CFAP46: variants seen among roughly 807,000 people sequenced by gnomAD.
The protein encoded by CFAP46 is cilia and flagella associated protein 46, also known as cilia- and flagella-associated protein 46.
A neutral mutation model predicts 325.7 loss-of-function variants in CFAP46; 245 were observed. The observed-to-expected ratio is 0.75, with a 90% CI of 0.68 to 0.84. The LOEUF is 0.84. Ranked by LOEUF, CFAP46 falls within the 40% of genes least tolerant of loss-of-function variation. The pLI is 0.00. For synonymous variants in CFAP46, 1,523 were observed against 1,495.9 expected, an observed-to-expected ratio of 1.02 and a Z score of -0.42; for missense variants, 3,346 against 3,543.0, an observed-to-expected ratio of 0.94 and a Z score of 1.41.
rs1199440383 is a variant in CFAP46, at chr10:132,846,925, GAC to G, written c.6267+5_6267+6del. 1 of 1,606,120 alleles carries G rather than the reference GAC, an allele frequency of 6.2e-7. No homozygotes were observed. Among genetic ancestry groups the G allele is most frequent in the Non-Finnish European group, 8.5e-7 (1 of 1,177,128 alleles). ...CCTGGCTGGAGGTGGGCAGGGCAGAGACACACCTGAGACAGAGCCAGGAACTG... is the reference window on the plus strand; with the variant it reads ...CCTGGCTGGAGGTGGGCAGGGCAGAGACACCTGAGACAGAGCCAGGAACTG... On this transcript the variant is annotated splice_donor_5th_base_variant and intron_variant, in intron 43 of 57. Coordinates refer to ENST00000368586, the MANE Select transcript of CFAP46 (RefSeq NM_001200049.3).
chr10:132,895,454 T>TG (rs1334515465), intron 24 of CFAP46, among the ~76,000 whole-genome samples: 3 of 152,222 alleles, frequency 2.0e-5, no homozygotes, highest in African/African-American at 7.2e-5. Flanking sequence ...CCAGAGCTAC[T>TG]GGACAACAAC....
At position 132,847,019 on chromosome 10, in the gene CFAP46, A is replaced by G. The variant is rs779234715; in HGVS notation, c.6180T>C (p.Asp2060=). The G allele has an allele frequency of 1.2e-6, 2 of 1,611,294 alleles. No homozygotes were observed. Among genetic ancestry groups the G allele is most frequent in the Admixed American group, 3.3e-5 (2 of 59,954 alleles). Residue 2060 remains aspartate (D), a synonymous_variant, in exon 43 of 58, where the codon GAT becomes GAC. Transcript: ENST00000368586. This position sits in a 1 kb window ranked among gnomAD's most constrained non-coding sequence, Gnocchi z 5.2. ...TCTCCAGGCTGGCGGCTGCTGCGAC[A>G]TCCAGGAGGCCACTGCCAAGGGCCA... ...LQVALGSGLL[D]VAAAASLEMV...
Position 132,808,747 on chromosome 10 carries a change from G to A in CFAP46, c.7822C>T (p.Leu2608Phe), listed in dbSNP as rs1275602919. 6.3e-7 allele frequency: 1 copy of A among 1,578,084 alleles called. No homozygotes were observed. The highest frequency in any genetic ancestry group is 1.1e-5 in the South Asian group (1 of 87,378). The change falls in exon 58 of 58, where the codon CTT becomes TTT. Residue 2608 changes from leucine to phenylalanine, a missense_variant. Transcript: ENST00000368586. The surrounding 1 kb of genome is among the most constrained non-coding windows in gnomAD (Gnocchi z 6.8). The stretch of plus-strand genomic sequence containing the variant: ...GGGGCAGAGCCAAGGGCAGAGGCAA[G>A]TGCTGGGGCCCCAGCAGCTGATGGG... ...CLPSAAGAPA[L>F]ASALGSAPLP...
rs376348301 is a variant in CFAP46 at position 132,887,038 on chromosome 10, TTCTCC to T, written c.3305-1084_3305-1080del. ...CTCTCTCTGCTCTCTTCTCTCTTCT[TTCTCC>T]TCTCATCTTCTCTCTGGCCTCTCTC... On this transcript the variant is annotated intron_variant, in intron 25 of 57. Coordinates refer to ENST00000368586, the MANE Select transcript of CFAP46 (RefSeq NM_001200049.3). Among the ~76,000 whole-genome samples the T allele has an allele frequency of 1.2e-3, 179 of 148,296 alleles. 1 individual carries two copies. Among genetic ancestry groups the T allele is most frequent in the African/African-American group, 4.2e-3 (170 of 40,280 alleles).
At position 132,920,202 on chromosome 10, in the gene CFAP46, G is replaced by A. The variant is rs565547703; in HGVS notation, c.1607-20C>T. 5.4e-5 allele frequency: 82 copies of A among 1,519,430 alleles called. No homozygotes were observed. In the African/African-American group the frequency reaches 9.6e-4, roughly 18 times the overall value. The allele number at this position is 1,519,430 out of a possible 1,614,324, so 94.1% of individuals were successfully genotyped here. On this transcript the variant is annotated intron_variant, in intron 13 of 57. Transcript: ENST00000368586. ...TGGAGACTGAGGGCGGAAATGCAAA[G>A]GCAGGTGTTGCAGCTGCTGGCCAAG... is the stretch of plus-strand genomic sequence containing the variant.
At chr10:132,933,914 C>T (rs1179029655) in intron 8 of CFAP46, among the ~76,000 whole-genome samples, 1 of 152,182 alleles carries the variant, frequency 6.6e-6, no homozygotes, top group East Asian at 1.9e-4. Flanking sequence ...CTGCTGTGCC[C>T]AGGTTCCCGT....
intron 24 of CFAP46, among the ~76,000 whole-genome samples, chr10:132,897,890 CAA>C (rs1234282156): frequency 1.3e-5 from 2 of 152,218 alleles, no homozygotes; most frequent in Non-Finnish European, 2.9e-5. Flanking sequence ...ACAGCCTTTT[CAA>C]AGTCAGGCCA....
At chr10:132,875,294 A>G (rs1233881408) in intron 31 of CFAP46, among the ~76,000 whole-genome samples, 1 of 152,252 alleles carries the variant, frequency 6.6e-6, no homozygotes, top group Non-Finnish European at 1.5e-5. Flanking sequence ...AAGGCTGAAC[A>G]CCATAACAAT....
chr10:132,910,704 C>T (rs1180213033), intron 19 of CFAP46, among the ~76,000 whole-genome samples: 2 of 152,214 alleles, frequency 1.3e-5, no homozygotes, highest in East Asian at 1.9e-4. Flanking sequence ...GATGTCCCAT[C>T]TCTCGCTGCC....
At chr10:132,908,179 T>A (rs1352186848) in intron 22 of CFAP46, among the ~76,000 whole-genome samples, 1 of 152,210 alleles carries the variant, frequency 6.6e-6, no homozygotes, top group Non-Finnish European at 1.5e-5. Context: ...CCTGTGCACA[T>A]GGCTGAGGCC....
At position 132,814,837 on chromosome 10, in the gene CFAP46, C is replaced by T; in HGVS notation, c.7188+7G>A. On this transcript the variant is annotated splice_region_variant and intron_variant, in intron 51 of 57. Transcript: ENST00000368586. ...AGCCCGATCCCCTATCACAGGCCCC[C>T]ACCCACCTTCCTGCCCTTCTTCGCT... is the stretch of plus-strand genomic sequence containing the variant. 1 of 1,614,208 alleles carries T rather than the reference C, an allele frequency of 6.2e-7. No individual in the cohort carries two copies. The highest frequency in any genetic ancestry group is 1.7e-5 in the Admixed American group (1 of 60,026).
At position 132,817,412 on chromosome 10, in the gene CFAP46, G is replaced by T. The variant is rs1039567008; in HGVS notation, c.7118-2498C>A. Among the ~76,000 whole-genome samples, 13 of 152,176 alleles carry T rather than the reference G, an allele frequency of 8.5e-5. No homozygotes were observed. Among genetic ancestry groups the T allele is most frequent in the African/African-American group, 3.1e-4 (13 of 41,434 alleles). ...TCTTATCTCCTGTGTCTTCTCACTG[G>T]CAGGGTTGGCCAATTTTCTTTTTTT... On this transcript the variant is annotated intron_variant, in intron 50 of 57. Coordinates refer to ENST00000368586, the MANE Select transcript of CFAP46 (RefSeq NM_001200049.3). The surrounding 1 kb of genome is among the most constrained non-coding windows in gnomAD (Gnocchi z 4.4).
intron 19 of CFAP46, among the ~76,000 whole-genome samples, 197 bp from the exon 20 acceptor site, chr10:132,910,265 G>T (rs575398761): frequency 4.1e-4 from 62 of 152,324 alleles, no homozygotes; most frequent in Middle Eastern, 3.4e-3. Flanking sequence ...CGCCGAGGAC[G>T]CAGCTGCCAC....
intron 22 of CFAP46, 114 bp from the exon 23 acceptor site, chr10:132,899,780 A>T: frequency 8.1e-7 from 1 of 1,240,724 alleles, no homozygotes; most frequent in Non-Finnish European, 1.1e-6. Flanking sequence ...AAGATGGGGC[A>T]CCTCCTGGCC....
At chr10:132,904,861 T>C (rs1436184736) in intron 22 of CFAP46, among the ~76,000 whole-genome samples, 6 of 152,210 alleles carry the variant, frequency 3.9e-5, no homozygotes, top group Non-Finnish European at 8.8e-5. Context: ...TACAGGCTCC[T>C]TACGAGGGTG....
intron 50 of CFAP46, among the ~76,000 whole-genome samples, chr10:132,830,509 C>T (rs1848131857): frequency 1.3e-5 from 2 of 152,250 alleles, no homozygotes; most frequent in Non-Finnish European, 2.9e-5. Flanking sequence ...CAGGCATATC[C>T]AGGTCATCCC....
chr10:132,825,236 T>C lies in CFAP46; in HGVS notation c.7117+8122A>G, dbSNP rs375616585. On this transcript the variant is annotated intron_variant, in intron 50 of 57. Transcript: ENST00000368586. ...TGTGTGCCCTGATGTGTGCTGTGTG[T>C]GTGCCCTGATGTGTGCTGTGTGAGT... 4.0e-3 allele frequency among the ~76,000 whole-genome samples: 556 copies of C among 139,912 alleles called. 6 individuals are homozygous for C. Among genetic ancestry groups the C allele is most frequent in the African/African-American group, 0.013 (525 of 40,144 alleles). The allele number at this position is 139,912 out of a possible 152,430, so 91.8% of individuals were successfully genotyped here.
At chr10:132,825,018 CACTGTGTGCTGTGTGTGTGGTGA>C (rs1848014022) in intron 50 of CFAP46, among the ~76,000 whole-genome samples, 1 of 108,550 alleles carries the variant, frequency 9.2e-6, no homozygotes, top group Admixed American at 1.1e-4. Context: ...CTGATGTGTG[CACTGTGTGCTGTGTGTGTGGTGA>C]TGTGTGCTGT....
intron 25 of CFAP46, among the ~76,000 whole-genome samples, chr10:132,887,128 C>T (rs1306228201): frequency 6.9e-6 from 1 of 145,166 alleles, no homozygotes; most frequent in African/African-American, 2.6e-5. Context: ...TCTCTCTCCT[C>T]TCCTCTGTCC....
Sources: allele counts gnomAD v4.1 joint callset (sites outside exome capture counted in the v4.1 genomes callset), GRCh38; gene constraint gnomAD v4.1.1; non-coding constraint Gnocchi (gnomAD v3.1); transcripts MANE v1.5; gene names NCBI Gene and HGNC (gene_info 2026-07-23, HGNC 2026-07-21).